Variants in ANO3 observed in about 807,000 individuals in gnomAD.
ANO3 encodes anoctamin 3.
ANO3 carries 99 observed loss-of-function variants against 144.8 expected under a neutral mutation model. That is an observed-to-expected ratio of 0.68 (90% CI 0.58 to 0.81). The LOEUF (loss-of-function observed/expected upper bound fraction) is 0.81. ANO3 is among the 30% of genes least tolerant of loss of function. ANO3 has a pLI of 0.00. For synonymous variants in ANO3, 414 were observed against 392.6 expected (o/e 1.05, Z -0.64); for missense variants, 905 against 1,202.2 (o/e 0.75, Z 3.66).
At chr11:26,457,639 G>C (rs945413686) in intron 3 of ANO3, among the ~76,000 whole-genome samples, 1 of 152,082 alleles carries the variant, frequency 6.6e-6, no homozygotes, top group Non-Finnish European at 1.5e-5. Flanking sequence ...AACTGTAACG[G>C]ACTCACTGCC....
chr11:26,523,472 T>C (rs398191), intron 6 of ANO3, among the ~76,000 whole-genome samples: 121,035 of 152,150 alleles, frequency 0.8, 48,318 homozygotes, highest in East Asian at 0.85. Flanking sequence ...GCTACCTCCC[T>C]TCATGTTTAC....
chr11:26,494,261 A>C (rs967984298), intron 4 of ANO3, among the ~76,000 whole-genome samples: 1 of 151,810 alleles, frequency 6.6e-6, no homozygotes, highest in Non-Finnish European at 1.5e-5. Flanking sequence ...AAATTTGAGA[A>C]AGAATGCCAT....
chr11:26,190,643 T>C (rs1421824098), intron 1 of ANO3, among the ~76,000 whole-genome samples: 3 of 152,210 alleles, frequency 2.0e-5, no homozygotes, highest in East Asian at 3.9e-4. Flanking sequence ...ATCCATTCCA[T>C]TAGATTCAAC....
At chr11:26,194,439 GGTGTGTGTGTGT>G (rs1161631402) in intron 1 of ANO3, among the ~76,000 whole-genome samples, 3 of 60,606 alleles carry the variant, frequency 4.9e-5, no homozygotes, top group South Asian at 5.9e-4. Flanking sequence ...GGTACATAGT[GGTGTGTGTGTGT>G]GTGTGTGTGT....
rs780384502 is a variant in ANO3, at chr11:26,486,377, A to AAAAAAAG, written c.433-21725_433-21724insAAAAGAA. ...CTCTGTCTCAAAAAAAAAAAAAAAA[A>AAAAAAAG]AAGGAAGTCAAAATACCTAAAAATA... On this transcript the variant is annotated intron_variant, in intron 4 of 26. Transcript: ENST00000256737. Among the ~76,000 whole-genome samples the AAAAAAAG allele has an allele frequency of 4.0e-5, 6 of 149,646 alleles. 1 individual carries two copies. The highest frequency in any genetic ancestry group is 2.0e-4 in the Admixed American group (3 of 15,032).
intron 1 of ANO3, among the ~76,000 whole-genome samples, chr11:26,234,108 AAAAAC>A (rs1170208820): frequency 6.6e-6 from 1 of 152,196 alleles, no homozygotes; most frequent in African/African-American, 2.4e-5. Flanking sequence ...ACTTAAAATA[AAAAAC>A]AAAACAAAAC....
At chr11:26,189,250 G>A in exon 1 of ANO3, 1 of 985,296 alleles carries the variant, frequency 1.0e-6, no homozygotes, top group Non-Finnish European at 1.2e-6. Flanking sequence ...TCCAACTCAT[G>A]TTTTGCTTTA....
intron 4 of ANO3, among the ~76,000 whole-genome samples, chr11:26,478,540 C>T (rs1372807835): frequency 6.6e-6 from 1 of 152,034 alleles, no homozygotes; most frequent in Non-Finnish European, 1.5e-5. Context: ...GACAAATTTC[C>T]CAAGCTGAAT....
intron 1 of ANO3, among the ~76,000 whole-genome samples, chr11:26,286,740 G>A (rs1422650433): frequency 6.6e-6 from 1 of 152,158 alleles, no homozygotes; most frequent in African/African-American, 2.4e-5. Flanking sequence ...ATACAAGATA[G>A]ACACAAAGCT....
chr11:26,616,436 GT>G (rs35002566), intron 17 of ANO3, among the ~76,000 whole-genome samples: 23,777 of 137,222 alleles, frequency 0.17, 1,805 homozygotes, highest in Admixed American at 0.23. Flanking sequence ...TGCGTTTCTG[GT>G]TTTTTTTTTT....
At chr11:26,512,550 G>A (rs183032952) in intron 5 of ANO3, among the ~76,000 whole-genome samples, 1 of 152,272 alleles carries the variant, frequency 6.6e-6, no homozygotes, top group African/African-American at 2.4e-5. Context: ...TATAGAAAGA[G>A]AGAAATTAAG....
At chr11:26,321,554 A>C (rs12221994) in intron 1 of ANO3, among the ~76,000 whole-genome samples, 8,866 of 152,076 alleles carry the variant, frequency 0.058, 473 homozygotes, top group African/African-American at 0.14. Flanking sequence ...TTAATAAAAC[A>C]AGTTCTATAA....
At chr11:26,469,242 A>G (rs936414941) in intron 4 of ANO3, among the ~76,000 whole-genome samples, 2 of 151,908 alleles carry the variant, frequency 1.3e-5, no homozygotes, top group African/African-American at 4.8e-5. Flanking sequence ...GCTAGTGTAA[A>G]TTTTCCAAAA....
At chr11:26,606,720 C>G (rs528008183) in intron 17 of ANO3, among the ~76,000 whole-genome samples, 11 of 152,094 alleles carry the variant, frequency 7.2e-5, no homozygotes, top group South Asian at 2.1e-4. Context: ...GACTCTTTAT[C>G]AAATTTGCCA....
chr11:26,276,669 C>A (rs1158231399), intron 1 of ANO3, among the ~76,000 whole-genome samples: 2 of 152,090 alleles, frequency 1.3e-5, no homozygotes, highest in Non-Finnish European at 2.9e-5. Context: ...TAGGTTAGAC[C>A]ACGCTTTCAA....
At chr11:26,209,315 G>C (rs1027620451) in intron 1 of ANO3, among the ~76,000 whole-genome samples, 2 of 152,176 alleles carry the variant, frequency 1.3e-5, no homozygotes, top group African/African-American at 4.8e-5. Context: ...GCCTGCAAAA[G>C]ACATGAACTC....
At chr11:26,313,914 A>C (rs1464538590) in intron 1 of ANO3, among the ~76,000 whole-genome samples, 3 of 146,768 alleles carry the variant, frequency 2.0e-5, no homozygotes, top group Non-Finnish European at 4.4e-5. Flanking sequence ...AGAGTACCTA[A>C]AAAAGAAAGA....
chr11:26,279,274 TTA>T (rs1853625644), intron 1 of ANO3, among the ~76,000 whole-genome samples: 1 of 152,162 alleles, frequency 6.6e-6, no homozygotes. Flanking sequence ...GTTAGATTTA[TTA>T]TTTTATAATA....
chr11:26,350,531 T>G (rs547570527), intron 1 of ANO3, among the ~76,000 whole-genome samples: 1 of 152,342 alleles, frequency 6.6e-6, no homozygotes, highest in South Asian at 2.1e-4. Flanking sequence ...TGTATTTAGA[T>G]TCTGACTTTA....
Sources: allele counts gnomAD v4.1 joint callset (sites outside exome capture counted in the v4.1 genomes callset), GRCh38; gene constraint gnomAD v4.1.1; transcripts MANE v1.5; gene names NCBI Gene and HGNC (gene_info 2026-07-23, HGNC 2026-07-21).